PRSS12: variants seen among roughly 807,000 people sequenced by gnomAD.
PRSS12 encodes serine protease 12.
PRSS12 carries 85 observed loss-of-function variants against 104.4 expected under a neutral mutation model. The observed-to-expected ratio is 0.81, with a 90% CI of 0.68 to 0.98. The LOEUF is 0.98. PRSS12 is among the 50% of genes least tolerant of loss of function. The pLI, the probability that PRSS12 is intolerant of heterozygous loss-of-function variation, is 0.00. For missense variants in PRSS12, 1,141 were observed against 1,139.2 expected, an observed-to-expected ratio of 1.00 and a Z score of -0.02; for synonymous variants, 454 against 425.2, an observed-to-expected ratio of 1.07 and a Z score of -0.83.
rs980973222 is a variant in PRSS12 at position 118,337,741 on chromosome 4, T to A, written c.641+435A>T. On this transcript the variant is annotated intron_variant, in intron 2 of 12. Transcript: ENST00000296498. ...ATAAAAGTAGAAAGGTAAAATCAAA[T>A]GACAACAACAAGTTAAGGCTGTGCT... is the stretch of plus-strand genomic sequence containing the variant. 1.3e-5 allele frequency among the ~76,000 whole-genome samples: 2 copies of A among 151,992 alleles called. 1 individual carries two copies. Among genetic ancestry groups the A allele is most frequent in the African/African-American group, 4.8e-5 (2 of 41,392 alleles).
intron 1 of PRSS12, among the ~76,000 whole-genome samples, chr4:118,352,006 C>T (rs1218569564): frequency 6.6e-6 from 1 of 152,138 alleles, no homozygotes; most frequent in Non-Finnish European, 1.5e-5. Context: ...TCACCCCTGA[C>T]AACCTTCACA....
At position 118,341,697 on chromosome 4, in the gene PRSS12, CACA is replaced by C. The variant is rs551670505; in HGVS notation, c.503-3386_503-3384del. Among the ~76,000 whole-genome samples the C allele has an allele frequency of 7.9e-5, 12 of 151,990 alleles. No individual in the cohort carries two copies. The South Asian group carries it at 1.2e-3, about 16-fold the overall frequency. On this transcript the variant is annotated intron_variant, in intron 1 of 12. Coordinates refer to ENST00000296498, the MANE Select transcript of PRSS12 (RefSeq NM_003619.4). ...AACTCCATCTCAAAAGCAAGCTAAC[CACA>C]ACAACAACAACAAAACTATAACTTA... is the stretch of plus-strand genomic sequence containing the variant.
chr4:118,299,562 C>T (rs1180652243), intron 8 of PRSS12, among the ~76,000 whole-genome samples: 1 of 151,718 alleles, frequency 6.6e-6, no homozygotes. Context: ...TGCTTGTAAT[C>T]CCAGCTACTT....
chr4:118,314,401 TCTTC>T (rs1245499537), intron 6 of PRSS12, among the ~76,000 whole-genome samples: 3 of 152,276 alleles, frequency 2.0e-5, no homozygotes, highest in Admixed American at 2.0e-4. Flanking sequence ...CTATGGCTTC[TCTTC>T]CTTCTATTTT....
chr4:118,308,365 C>T (rs191766442), intron 8 of PRSS12, 71 bp downstream of exon 8: 485 of 1,586,112 alleles, frequency 3.1e-4, no homozygotes, highest in Non-Finnish European at 4.0e-4. Flanking sequence ...AAAAGTAACT[C>T]ATTAGATTAA....
chr4:118,295,749 T>C (rs1743237787), intron 10 of PRSS12, 29 bp downstream of exon 10: 1 of 1,578,098 alleles, frequency 6.3e-7, no homozygotes, highest in Admixed American at 1.7e-5. Context: ...TTCTGTAATA[T>C]AAAAAATCTC....
At chr4:118,322,950 T>A (rs1190041431) in intron 4 of PRSS12, among the ~76,000 whole-genome samples, 1 of 152,020 alleles carries the variant, frequency 6.6e-6, no homozygotes, top group Non-Finnish European at 1.5e-5. Context: ...TAATTTGTGA[T>A]GTGAAAAATC....
At chr4:118,312,367 C>T (rs960244088) in intron 7 of PRSS12, among the ~76,000 whole-genome samples, 14 of 152,078 alleles carry the variant, frequency 9.2e-5, no homozygotes, top group Admixed American at 2.6e-4. Flanking sequence ...CATACACACA[C>T]ACACACACGC....
At chr4:118,348,912 A>G (rs1258829575) in intron 1 of PRSS12, among the ~76,000 whole-genome samples, 1 of 152,150 alleles carries the variant, frequency 6.6e-6, no homozygotes, top group Non-Finnish European at 1.5e-5. Context: ...TCAGCCTCCC[A>G]AAGTGCTAGG....
rs764708030 is a variant in PRSS12 at position 118,335,509 on chromosome 4, T to C, written c.784A>G (p.Lys262Glu). Residue 262 changes from lysine (K) to glutamate (E), a missense_variant, in exon 3 of 13, where the codon AAG (lysine) becomes GAG (glutamate). Lys to Glu is a moderately conservative substitution (Grantham distance 56). Coordinates refer to ENST00000296498, the MANE Select transcript of PRSS12 (RefSeq NM_003619.4). ...DIWQGGVCPQ[K>E]MAAAVTCSFS... Reference sequence around the variant, plus strand: ...CTACACGTGACAGCAGCTGCCATCTTCTGAGGACACACCCCACCCTGCCAG... The same window carrying C: ...CTACACGTGACAGCAGCTGCCATCTCCTGAGGACACACCCCACCCTGCCAG... 6.2e-7 allele frequency: 1 copy of C among 1,614,048 alleles called. No individual in the cohort carries two copies. The highest frequency in any genetic ancestry group is 8.5e-7 in the Non-Finnish European group (1 of 1,179,956).
chr4:118,328,426 CAT>C (rs1723835140), intron 4 of PRSS12, among the ~76,000 whole-genome samples: 1 of 152,152 alleles, frequency 6.6e-6, no homozygotes. Flanking sequence ...TTACTTAACC[CAT>C]GAGTGTGTTC....
Position 118,352,715 on chromosome 4 carries a change from CGTCATGGT to C in PRSS12, c.-3_5del. ...TCAGGGCTAGCACGAAGCGGGCGAG[CGTCATGGT>C]GCCAGCGCTGCGGGGTCTGGTCCAT... On this transcript the variant is annotated start_lost and 5_prime_UTR_variant, in exon 1 of 13. Coordinates refer to ENST00000296498, the MANE Select transcript of PRSS12 (RefSeq NM_003619.4). 2.5e-6 allele frequency: 4 copies of C among 1,611,348 alleles called. No homozygotes were observed. Among genetic ancestry groups the C allele is most frequent in the Non-Finnish European group, 3.4e-6 (4 of 1,178,386 alleles).
intron 8 of PRSS12, among the ~76,000 whole-genome samples, chr4:118,301,207 A>G (rs1743398255): frequency 6.6e-6 from 1 of 152,100 alleles, no homozygotes; most frequent in African/African-American, 2.4e-5. Flanking sequence ...TGCTGATTTG[A>G]AAGTCTTTCT....
intron 4 of PRSS12, among the ~76,000 whole-genome samples, chr4:118,327,249 G>T (rs1723798275): frequency 6.6e-6 from 1 of 152,146 alleles, no homozygotes; most frequent in South Asian, 2.1e-4. Context: ...CAACCTCCTG[G>T]ACTAACAATT....
intron 3 of PRSS12, among the ~76,000 whole-genome samples, chr4:118,334,200 T>G (rs1160681116): frequency 6.6e-6 from 1 of 152,182 alleles, no homozygotes; most frequent in African/African-American, 2.4e-5. Flanking sequence ...TATCATAACT[T>G]TCTATATTTT....
chr4:118,315,158 T>C (rs2126034488), intron 6 of PRSS12, among the ~76,000 whole-genome samples: 1 of 152,220 alleles, frequency 6.6e-6, no homozygotes, highest in Non-Finnish European at 1.5e-5. Context: ...TTAAGTAAAT[T>C]ACAGTATGAA....
chr4:118,292,379 G>A (rs963353657), intron 11 of PRSS12, among the ~76,000 whole-genome samples: 9 of 152,208 alleles, frequency 5.9e-5, no homozygotes, highest in Admixed American at 3.3e-4. Context: ...ATTTAGAGCA[G>A]GGGCTCAGGA....
At chr4:118,327,528 T>A (rs931487472) in intron 4 of PRSS12, among the ~76,000 whole-genome samples, 1 of 152,066 alleles carries the variant, frequency 6.6e-6, no homozygotes, top group Non-Finnish European at 1.5e-5. Context: ...CTATATAATT[T>A]TAGAGCAAAA....
In PRSS12 at chr4:118,313,276, T is replaced by C. The variant is rs762455875; in HGVS notation, c.1414A>G (p.Arg472Gly). Residue 472 changes from arginine to glycine, a missense_variant, in exon 7 of 13, where the codon AGG becomes GGG. Arg to Gly is a moderately radical substitution (Grantham distance 125). Transcript: ENST00000296498. ...TCTTCGCGGTGGCTGCAGTCATGCC[T>C]TCCCCACTGTCGCCTGGAACACTGA... ...FLQCSRRQWG[R>G]HDCSHREDVS... 1 of 1,614,132 alleles carries C rather than the reference T, an allele frequency of 6.2e-7. No homozygotes were observed. The highest frequency in any genetic ancestry group is 1.1e-5 in the South Asian group (1 of 91,086).
Sources: gnomAD v4.1 joint callset for allele counts (sites outside exome capture counted in the v4.1 genomes callset) on GRCh38, gnomAD v4.1.1 for gene constraint, MANE v1.5 for transcripts, NCBI Gene and HGNC (gene_info 2026-07-23, HGNC 2026-07-21) for gene names.